The following SPTBN1 variants were observed in gnomAD, a reference collection of about 807,000 sequenced individuals.
SPTBN1 encodes the protein spectrin beta chain, non-erythrocytic 1.
SPTBN1 carries 32 observed loss-of-function variants against 266.4 expected under a neutral mutation model. The ratio of observed to expected loss-of-function variants is 0.12; its 90% CI spans 0.09 to 0.16. The LOEUF (loss-of-function observed/expected upper bound fraction) is 0.16. Ranked by LOEUF, SPTBN1 falls within the 10% of genes least tolerant of loss-of-function variation. SPTBN1 has a pLI of 1.00. For synonymous variants in SPTBN1, 1,336 were observed against 1,162.2 expected (o/e 1.15, Z -3.04); for missense variants, 2,296 against 3,067.1 (o/e 0.75, Z 5.94).
rs78669063 is a variant in SPTBN1, at chr2:54,593,377, G to C, written c.149-5715G>C. On this transcript the variant is annotated intron_variant, in intron 2 of 35. Transcript: ENST00000356805. ...CATGTCACAGAGACAGCCTCACCAC[G>C]TTCCTCCCACGGAGGGCTGCTGGTT... Among the ~76,000 whole-genome samples, 500 of 152,078 alleles carry C rather than the reference G, an allele frequency of 3.3e-3. 1 individual carries two copies. The highest frequency in any genetic ancestry group is 0.011 in the African/African-American group (472 of 41,476).
In SPTBN1 at chr2:54,646,239, A is replaced by G. The variant is rs1679917402; in HGVS notation, c.4630A>G (p.Ile1544Val). 2.5e-6 allele frequency: 4 copies of G among 1,613,690 alleles called. No homozygotes were observed. Among genetic ancestry groups the G allele is most frequent in the African/African-American group, 1.3e-5 (1 of 74,908 alleles). Residue 1544 changes from isoleucine (I) to valine (V), a missense_variant, in exon 23 of 36, where the codon ATC becomes GTC. Ile to Val is a conservative substitution (Grantham distance 29). Transcript: ENST00000356805. This position sits in a 1 kb window ranked among gnomAD's most constrained non-coding sequence, Gnocchi z 4.4. The part of the protein sequence containing the change: ...IQGHQPRIDD[I>V]FERSQNIVTD... Reference sequence around the variant, plus strand: ...GGGGCACCAGCCTCGCATTGACGACATCTTTGAGAGGAGCCAAAACATCGT... The same window carrying G: ...GGGGCACCAGCCTCGCATTGACGACGTCTTTGAGAGGAGCCAAAACATCGT...
In SPTBN1 at chr2:54,533,583, T is replaced by C. The variant is rs1671399008; in HGVS notation, c.148+7017T>C. ...TTGCTGTAGTAAGATGGAGTTTCGCTCTTGTCACCCAGGCTGTAGTACGAT... is the reference window on the plus strand; with the variant it reads ...TTGCTGTAGTAAGATGGAGTTTCGCCCTTGTCACCCAGGCTGTAGTACGAT... On this transcript the variant is annotated intron_variant, in intron 2 of 35. Transcript: ENST00000356805. The surrounding 1 kb of genome is among the most constrained non-coding windows in gnomAD (Gnocchi z 4.2). 6.6e-6 allele frequency among the ~76,000 whole-genome samples: 1 copy of C among 152,122 alleles called. No homozygotes were observed. Among genetic ancestry groups the C allele is most frequent in the African/African-American group, 2.4e-5 (1 of 41,416 alleles).
rs1319875926 is a variant in SPTBN1 at position 54,655,175 on chromosome 2, C to T, written c.5928C>T (p.Ser1976=). Residue 1976 remains serine, a synonymous_variant, in exon 28 of 36, where the codon TCC becomes TCT. Coordinates refer to ENST00000356805, the MANE Select transcript of SPTBN1 (RefSeq NM_003128.3). ...SFTTCIELGK[S]LLARKHYASE... ...CAACCTGCATTGAACTTGGGAAATC[C>T]CTGTTGGCGAGAAAACACTATGCAT... 6.2e-7 allele frequency: 1 copy of T among 1,613,980 alleles called. No individual in the cohort carries two copies. The highest frequency in any genetic ancestry group is 1.3e-5 in the African/African-American group (1 of 75,000).
At chr2:54,668,025 G>GA (rs1179031512) in intron 35 of SPTBN1, among the ~76,000 whole-genome samples, 2 of 152,158 alleles carry the variant, frequency 1.3e-5, no homozygotes, top group African/African-American at 2.4e-5. Context: ...TCCATTGATG[G>GA]AAAAACAACA....
intron 6 of SPTBN1, among the ~76,000 whole-genome samples, 172 bp from the exon 7 acceptor site, chr2:54,617,906 G>A (rs188782746): frequency 1.5e-4 from 23 of 152,196 alleles, no homozygotes; most frequent in Non-Finnish European, 3.2e-4. Context: ...TAACTTTGAA[G>A]TGTTTATTCA....
chr2:54,569,413 A>G (rs1004001762), intron 2 of SPTBN1, among the ~76,000 whole-genome samples: 9 of 152,222 alleles, frequency 5.9e-5, no homozygotes, highest in Non-Finnish European at 8.8e-5. Context: ...GACGCCCTGA[A>G]AAGAAAGAAA....
chr2:54,510,831 G>C (rs1360794327), intron 1 of SPTBN1, among the ~76,000 whole-genome samples: 1 of 152,218 alleles, frequency 6.6e-6, no homozygotes, highest in African/African-American at 2.4e-5. Context: ...CCTACTGGGA[G>C]AACGCAGAAA....
intron 1 of SPTBN1, among the ~76,000 whole-genome samples, chr2:54,499,519 T>C (rs931670762): frequency 2.6e-5 from 4 of 152,198 alleles, no homozygotes; most frequent in East Asian, 3.8e-4. Flanking sequence ...TGCTAAAACG[T>C]GGAGCCAAGG....
intron 32 of SPTBN1, chr2:54,663,009 C>T (rs1324515751): frequency 1.3e-5 from 2 of 152,330 alleles, no homozygotes; most frequent in East Asian, 3.9e-4. Flanking sequence ...AGCCCTGATG[C>T]TAATTATGAT....
chr2:54,581,551 A>G (rs1674904713), intron 2 of SPTBN1, among the ~76,000 whole-genome samples: 1 of 132,778 alleles, frequency 7.5e-6, no homozygotes, highest in African/African-American at 2.9e-5. Flanking sequence ...CTCAGCATTT[A>G]GCCTTCATGC....
rs569739589 is a variant in SPTBN1, at chr2:54,667,142, C to T, written c.6834-462C>T. Among the ~76,000 whole-genome samples the T allele has an allele frequency of 2.6e-5, 4 of 152,306 alleles. No individual in the cohort carries two copies. In the South Asian group the frequency reaches 8.3e-4, roughly 32 times the overall value. On this transcript the variant is annotated intron_variant, in intron 34 of 35. Transcript: ENST00000356805. ...TAGGGCTTCTTAATTCTGAGACATA[C>T]AGTAGAAGAAAAGTTGAAGGACATT... is the stretch of plus-strand genomic sequence containing the variant.
chr2:54,578,135 G>A (rs1387900723), intron 2 of SPTBN1, among the ~76,000 whole-genome samples: 1 of 152,116 alleles, frequency 6.6e-6, no homozygotes, highest in Non-Finnish European at 1.5e-5. Context: ...TAATGTACCC[G>A]TGAGAACCTG....
chr2:54,500,436 G>T (rs1007708446), intron 1 of SPTBN1, among the ~76,000 whole-genome samples: 2 of 152,104 alleles, frequency 1.3e-5, no homozygotes, highest in Non-Finnish European at 2.9e-5. Flanking sequence ...GGGGTGGGGT[G>T]TGTCTGCTGA....
chr2:54,619,499 T>A (rs1349940716), intron 7 of SPTBN1, among the ~76,000 whole-genome samples: 1 of 152,170 alleles, frequency 6.6e-6, no homozygotes, highest in Non-Finnish European at 1.5e-5. Context: ...AAAGGGGGAT[T>A]GATGTTCCCC....
intron 2 of SPTBN1, among the ~76,000 whole-genome samples, chr2:54,594,328 GA>G (rs1005061890): frequency 5.3e-5 from 8 of 149,624 alleles, no homozygotes; most frequent in African/African-American, 9.9e-5. Flanking sequence ...GAAAATATTT[GA>G]AAAAAAAATT....
intron 1 of SPTBN1, among the ~76,000 whole-genome samples, chr2:54,519,512 G>A (rs1480456767): frequency 6.6e-6 from 1 of 152,118 alleles, no homozygotes; most frequent in African/African-American, 2.4e-5. Context: ...CAGGTGATAG[G>A]TTTGGAACTG....
At chr2:54,488,152 A>G (rs1668506069) in intron 1 of SPTBN1, among the ~76,000 whole-genome samples, 1 of 151,838 alleles carries the variant, frequency 6.6e-6, no homozygotes, top group Non-Finnish European at 1.5e-5. Context: ...ATGAATAAGA[A>G]TTTCTAGTCA....
At chr2:54,472,777 A>G (rs1693996415) in intron 1 of SPTBN1, among the ~76,000 whole-genome samples, 1 of 152,172 alleles carries the variant, frequency 6.6e-6, no homozygotes, top group African/African-American at 2.4e-5. Context: ...GACATTTTTA[A>G]AAATGCAGTA....
At chr2:54,539,173 A>C (rs902567661) in intron 2 of SPTBN1, among the ~76,000 whole-genome samples, 3 of 152,050 alleles carry the variant, frequency 2.0e-5, no homozygotes, top group Non-Finnish European at 4.4e-5. Context: ...CAGTGGTAAC[A>C]TTTGTTTCCA....
Sources: allele counts gnomAD v4.1 joint callset (sites outside exome capture counted in the v4.1 genomes callset), GRCh38; gene constraint gnomAD v4.1.1; non-coding constraint Gnocchi (gnomAD v3.1); transcripts MANE v1.5; gene names NCBI Gene and HGNC (gene_info 2026-07-23, HGNC 2026-07-21).